FOXJ3: variants seen among roughly 807,000 people sequenced by gnomAD.
FOXJ3 encodes the protein forkhead box protein J3.
Under a neutral mutation model 76.1 loss-of-function variants are expected in FOXJ3, and 22 were observed. That is an observed-to-expected ratio of 0.29 (90% CI 0.21 to 0.41). The LOEUF is 0.41. FOXJ3 is among the 10% of genes least tolerant of loss of function. FOXJ3 has a pLI of 1.00. For synonymous variants in FOXJ3, 269 were observed against 261.2 expected (o/e 1.03, Z -0.29); for missense variants, 613 against 762.1 (o/e 0.80, Z 2.30).
intron 2 of FOXJ3, among the ~76,000 whole-genome samples, chr1:42,288,321 C>T (rs1653193738): frequency 6.6e-6 from 1 of 152,238 alleles, no homozygotes; most frequent in African/African-American, 2.4e-5. Flanking sequence ...AGAACACACA[C>T]ACACATCCTT....
At chr1:42,191,236 T>G (rs760492624) in intron 9 of FOXJ3, 67 bp downstream of exon 9, 93 of 1,438,098 alleles carry the variant, frequency 6.5e-5, no homozygotes, top group Non-Finnish European at 8.7e-5. Flanking sequence ...CTACATGAGC[T>G]CTAAATAACA....
intron 4 of FOXJ3, among the ~76,000 whole-genome samples, chr1:42,235,399 C>T (rs539520254): frequency 1.3e-5 from 2 of 152,300 alleles, no homozygotes; most frequent in East Asian, 3.9e-4. Flanking sequence ...CGGTGCGCTG[C>T]ACCCACTGTC....
At chr1:42,332,017 C>G (rs1226064872) in intron 1 of FOXJ3, among the ~76,000 whole-genome samples, 3 of 152,120 alleles carry the variant, frequency 2.0e-5, no homozygotes, top group African/African-American at 4.8e-5. Flanking sequence ...AATTTTCTCT[C>G]TAAGTTTACA....
At chr1:42,321,863 G>A (rs1655450353) in intron 1 of FOXJ3, among the ~76,000 whole-genome samples, 1 of 151,928 alleles carries the variant, frequency 6.6e-6, no homozygotes, top group Non-Finnish European at 1.5e-5. Context: ...AGATTCCATT[G>A]GCATCATTTT....
At chr1:42,251,027 A>G (rs1649996979) in intron 4 of FOXJ3, among the ~76,000 whole-genome samples, 1 of 152,098 alleles carries the variant, frequency 6.6e-6, no homozygotes, top group South Asian at 2.1e-4. Flanking sequence ...AGAATTTTTA[A>G]TAAATAATAA....
intron 2 of FOXJ3, among the ~76,000 whole-genome samples, chr1:42,305,077 G>A (rs558618335): frequency 1.9e-4 from 29 of 152,180 alleles, no homozygotes; most frequent in African/African-American, 6.7e-4. Flanking sequence ...TTTTAAAATG[G>A]GCAAAAGATC....
intron 12 of FOXJ3, 52 bp downstream of exon 12, chr1:42,181,865 T>TCACAAACACACACACACA (rs1646328081): frequency 1.2e-6 from 1 of 840,342 alleles, no homozygotes; most frequent in Non-Finnish European, 1.8e-6. Flanking sequence ...CCTGGAGTGC[T>TCACAAACACACACACACA]CACACACACA....
chr1:42,189,950 C>T (rs1405011431), intron 9 of FOXJ3: 1 of 152,318 alleles, frequency 6.6e-6, no homozygotes, highest in East Asian at 1.9e-4. Context: ...AGAGTAAATG[C>T]TTCTTCCAAG....
chr1:42,316,989 C>G (rs934709860), intron 1 of FOXJ3, among the ~76,000 whole-genome samples: 5 of 152,050 alleles, frequency 3.3e-5, no homozygotes, highest in African/African-American at 1.2e-4. Flanking sequence ...ATTCATGTAA[C>G]TAAGCACCAC....
At chr1:42,185,252 A>ATTTTTTTTTTTTTT (rs36007346) in intron 11 of FOXJ3, among the ~76,000 whole-genome samples, 2 of 108,296 alleles carry the variant, frequency 1.8e-5, no homozygotes, top group African/African-American at 4.1e-5. Context: ...AACATACTGA[A>ATTTTTTTTTTTTTT]TTTTTTTTTT....
chr1:42,334,782 A>C (rs1163688431), intron 1 of FOXJ3: 1 of 147,156 alleles, frequency 6.8e-6, no homozygotes, highest in Non-Finnish European at 1.5e-5. Context: ...CGCCTGGGGG[A>C]GGGGCGGGAG....
chr1:42,219,486 G>A (rs1274892256), intron 5 of FOXJ3, among the ~76,000 whole-genome samples: 1 of 152,138 alleles, frequency 6.6e-6, no homozygotes, highest in Non-Finnish European at 1.5e-5. Flanking sequence ...ACCCCTCAGG[G>A]AGGTCTACTG....
intron 5 of FOXJ3, among the ~76,000 whole-genome samples, chr1:42,226,678 A>C (rs1456459036): frequency 1.3e-5 from 2 of 152,196 alleles, no homozygotes; most frequent in Non-Finnish European, 2.9e-5. Context: ...TTAACTTCTT[A>C]AACTCTGGTT....
rs115210689 is a variant in FOXJ3, at chr1:42,205,111, C to A, written c.630+651G>T. Among the ~76,000 whole-genome samples, 629 of 152,194 alleles carry A rather than the reference C, an allele frequency of 4.1e-3. 4 individuals carry two copies. Among genetic ancestry groups the A allele is most frequent in the African/African-American group, 0.014 (586 of 41,538 alleles). On this transcript the variant is annotated intron_variant, in intron 6 of 12. Transcript: ENST00000361346. ...ACTCATGGTCTAGTAGGGAAGAAAA[C>A]AGATGAACAAAACTGGATTCATGAA...
At chr1:42,284,857 A>C (rs1436410608) in intron 2 of FOXJ3, among the ~76,000 whole-genome samples, 1 of 152,220 alleles carries the variant, frequency 6.6e-6, no homozygotes, top group African/African-American at 2.4e-5. Flanking sequence ...AGTAACATTA[A>C]TAGTATCTGT....
intron 5 of FOXJ3, among the ~76,000 whole-genome samples, chr1:42,219,833 A>G (rs1467230104): frequency 6.6e-6 from 1 of 152,212 alleles, no homozygotes; most frequent in Non-Finnish European, 1.5e-5. Flanking sequence ...AGTTGAGGAT[A>G]GCTTGAGCCC....
At chr1:42,185,125 A>G (rs1404181969) in intron 11 of FOXJ3, among the ~76,000 whole-genome samples, 3 of 152,078 alleles carry the variant, frequency 2.0e-5, no homozygotes, top group Admixed American at 6.5e-5. Flanking sequence ...CTTAACCTAC[A>G]AAGTCCAGCT....
chr1:42,200,005 CAAAAA>C (rs11355641), intron 6 of FOXJ3, among the ~76,000 whole-genome samples: 6 of 76,088 alleles, frequency 7.9e-5, no homozygotes, highest in Non-Finnish European at 1.4e-4. Flanking sequence ...GACTCTGTCT[CAAAAA>C]AAAAAAAAAA....
At chr1:42,327,994 C>G (rs1017020298) in intron 1 of FOXJ3, among the ~76,000 whole-genome samples, 1 of 152,144 alleles carries the variant, frequency 6.6e-6, no homozygotes, top group Non-Finnish European at 1.5e-5. Flanking sequence ...TCTGGAGAGA[C>G]TCTCTAAAAA....
Sources: allele counts gnomAD v4.1 joint callset (sites outside exome capture counted in the v4.1 genomes callset), GRCh38; gene constraint gnomAD v4.1.1; transcripts MANE v1.5; gene names NCBI Gene and HGNC (gene_info 2026-07-23, HGNC 2026-07-21).